Variants in CPA6 observed in about 807,000 individuals in gnomAD.
CPA6 encodes the protein carboxypeptidase B.
A neutral mutation model predicts 63.3 loss-of-function variants in CPA6; 58 were observed. That is an observed-to-expected ratio of 0.92 (90% CI 0.74 to 1.14). The LOEUF is 1.14. Ranked by LOEUF, CPA6 falls within the 50% of genes most tolerant of loss-of-function variation. The pLI is 0.00. For synonymous variants in CPA6, 185 were observed against 179.0 expected (o/e 1.03, Z -0.27); for missense variants, 565 against 526.6 (o/e 1.07, Z -0.71).
At chr8:67,463,732 T>C (rs1481418107) in intron 8 of CPA6, among the ~76,000 whole-genome samples, 2 of 152,122 alleles carry the variant, frequency 1.3e-5, no homozygotes, top group African/African-American at 4.8e-5. Context: ...TGTCTCTGAG[T>C]AGGCAATATT....
chr8:67,653,114 A>G (rs1023508296), intron 1 of CPA6, among the ~76,000 whole-genome samples: 1 of 152,006 alleles, frequency 6.6e-6, no homozygotes, highest in African/African-American at 2.4e-5. Flanking sequence ...CTGTTTTGGT[A>G]CCAGTACCAT....
chr8:67,507,240 T>A (rs1017620951), intron 5 of CPA6, among the ~76,000 whole-genome samples: 5 of 152,102 alleles, frequency 3.3e-5, no homozygotes, highest in Non-Finnish European at 7.4e-5. Flanking sequence ...CCTGGTCTCT[T>A]GCAATCCTGC....
At chr8:67,522,375 A>G (rs1563985401) in intron 2 of CPA6, among the ~76,000 whole-genome samples, 1 of 152,174 alleles carries the variant, frequency 6.6e-6, no homozygotes, top group Non-Finnish European at 1.5e-5. Context: ...CTCCAGTGTC[A>G]GTGTACCTCA....
intron 8 of CPA6, among the ~76,000 whole-genome samples, chr8:67,446,534 A>G (rs1190851904): frequency 6.6e-6 from 1 of 152,210 alleles, no homozygotes; most frequent in East Asian, 1.9e-4. Context: ...AATTTAAAAG[A>G]TTTTAAAGGA....
chr8:67,644,121 TA>T (rs932011555), intron 1 of CPA6, among the ~76,000 whole-genome samples: 3 of 137,914 alleles, frequency 2.2e-5, no homozygotes, highest in Non-Finnish European at 4.8e-5. Context: ...ATTGCTGTCT[TA>T]TTTTTTTTTT....
At chr8:67,482,257 A>G (rs1377485246) in intron 8 of CPA6, among the ~76,000 whole-genome samples, 1 of 152,238 alleles carries the variant, frequency 6.6e-6, no homozygotes, top group African/African-American at 2.4e-5. Context: ...AGATGCCTGT[A>G]GGCATGTATA....
chr8:67,640,739 C>T (rs542383735), intron 1 of CPA6, among the ~76,000 whole-genome samples: 5 of 151,598 alleles, frequency 3.3e-5, no homozygotes, highest in Middle Eastern at 3.4e-3. Context: ...CCTGGGCTCC[C>T]ACTTGTCCCC....
chr8:67,646,904 C>T (rs1815725893), intron 1 of CPA6, among the ~76,000 whole-genome samples: 1 of 152,074 alleles, frequency 6.6e-6, no homozygotes, highest in Admixed American at 6.5e-5. Context: ...GGGAGGCAGG[C>T]CCTATAGGAA....
intron 1 of CPA6, among the ~76,000 whole-genome samples, chr8:67,721,069 G>A (rs1021513830): frequency 6.6e-6 from 1 of 152,220 alleles, no homozygotes; most frequent in African/African-American, 2.4e-5. Context: ...CATTACAAAT[G>A]TTTGAATAAA....
intron 1 of CPA6, among the ~76,000 whole-genome samples, chr8:67,693,320 C>T (rs1163222428): frequency 6.6e-6 from 1 of 152,146 alleles, no homozygotes; most frequent in Non-Finnish European, 1.5e-5. Context: ...TTTTCAATCC[C>T]CTAAGTGTAT....
chr8:67,461,049 C>CTTTTTT (rs111558015), intron 8 of CPA6, among the ~76,000 whole-genome samples: 6 of 139,242 alleles, frequency 4.3e-5, no homozygotes, highest in African/African-American at 1.6e-4. Context: ...AATTCGATTT[C>CTTTTTT]TTTTTTTTTT....
intron 6 of CPA6, among the ~76,000 whole-genome samples, chr8:67,495,458 T>G (rs11776371): frequency 0.31 from 47,488 of 152,132 alleles, 7,530 homozygotes; most frequent in Middle Eastern, 0.45. Flanking sequence ...CAATAAGCAT[T>G]TGATAGTATG....
At chr8:67,580,514 T>C (rs1231950251) in intron 2 of CPA6, among the ~76,000 whole-genome samples, 1 of 152,208 alleles carries the variant, frequency 6.6e-6, no homozygotes, top group Non-Finnish European at 1.5e-5. Context: ...AAAACTGGGT[T>C]GCATTTTAGT....
chr8:67,706,040 A>G (rs1199706550), intron 1 of CPA6, among the ~76,000 whole-genome samples: 2 of 152,232 alleles, frequency 1.3e-5, no homozygotes, highest in Non-Finnish European at 2.9e-5. Context: ...CTGGTTGTTT[A>G]CAAAGAGGAA....
At chr8:67,739,985 A>C (rs1308835912) in intron 1 of CPA6, among the ~76,000 whole-genome samples, 3 of 152,200 alleles carry the variant, frequency 2.0e-5, no homozygotes, top group Admixed American at 6.5e-5. Context: ...GATACTTTTT[A>C]CAGGAACAGA....
At chr8:67,628,910 A>T (rs893260529) in intron 1 of CPA6, among the ~76,000 whole-genome samples, 27 of 152,170 alleles carry the variant, frequency 1.8e-4, no homozygotes, top group Admixed American at 1.6e-3. Flanking sequence ...AGATCAAGAG[A>T]TTGAGACAAT....
Position 67,484,717 on chromosome 8 carries a change from C to G in CPA6, c.709G>C (p.Val237Leu). Residue 237 changes from valine to leucine, a missense_variant, in exon 7 of 11, where the codon GTG becomes CTG. Val to Leu is a conservative substitution (Grantham distance 32). Transcript: ENST00000297770. ...AAATGGTATCCATCGACGTTAAACACAGGCATGATATAGAAATATAGATGA... is the reference window on the plus strand; with the variant it reads ...AAATGGTATCCATCGACGTTAAACAGAGGCATGATATAGAAATATAGATGA... Reference protein sequence around the residue: ...LNHLYFYIMPVFNVDGYHFSW... With the variant: ...LNHLYFYIMPLFNVDGYHFSW... 2.5e-6 allele frequency: 4 copies of G among 1,609,738 alleles called. No individual in the cohort carries two copies. The highest frequency in any genetic ancestry group is 3.4e-6 in the Non-Finnish European group (4 of 1,176,296).
chr8:67,631,143 C>T (rs1438628727), intron 1 of CPA6, among the ~76,000 whole-genome samples: 1 of 152,216 alleles, frequency 6.6e-6, no homozygotes, highest in Non-Finnish European at 1.5e-5. Flanking sequence ...ACCCGTGGCC[C>T]CGGTGTGGGA....
chr8:67,659,538 C>T (rs1179494776), intron 1 of CPA6, among the ~76,000 whole-genome samples: 2 of 152,182 alleles, frequency 1.3e-5, no homozygotes, highest in East Asian at 1.9e-4. Context: ...CTGATGCACA[C>T]CAATAAAATA....
Sources: allele counts gnomAD v4.1 joint callset (sites outside exome capture counted in the v4.1 genomes callset), GRCh38; gene constraint gnomAD v4.1.1; transcripts MANE v1.5; gene names NCBI Gene and HGNC (gene_info 2026-07-23, HGNC 2026-07-21).